The following DST variants were observed in gnomAD, a reference collection of about 807,000 sequenced individuals.
The protein encoded by DST is bullous pemphigoid antigen.
DST carries 253 observed loss-of-function variants against 875.2 expected under a neutral mutation model. The observed-to-expected ratio is 0.29, with a 90% CI of 0.26 to 0.32. The LOEUF (loss-of-function observed/expected upper bound fraction) is 0.32. Among genes scored for constraint, DST ranks in the 10% least tolerant of loss-of-function variants. DST has a pLI of 1.00. For missense variants in DST, 8,287 were observed against 9,111.6 expected (o/e 0.91, Z 3.68); for synonymous variants, 3,124 against 3,197.1 (o/e 0.98, Z 0.77).
At chr6:56,489,174 T>A in intron 86 of DST, among the ~76,000 whole-genome samples, 1 of 152,220 alleles carries the variant, frequency 6.6e-6, no homozygotes. Context: ...ACAGCTATCA[T>A]GAAAAACTGA....
At position 56,553,091 on chromosome 6, in the gene DST, C is replaced by T. The variant is rs778810585; in HGVS notation, c.15701G>A (p.Ser5234Asn). Reference protein sequence around the residue: ...LLNNTANSLLSVCEIDKEVVT... With the variant: ...LLNNTANSLLNVCEIDKEVVT... ...AACTTCTTTATCTATCTCACAGACA[C>T]TGAGCAAGCTATTGGCTGTGTTGTT... Residue 5234 changes from serine (S) to asparagine (N), a missense_variant, in exon 61 of 104, where the codon AGT becomes AAT. This residue lies in a region of DST where 1,513 missense variants were observed against 1,677.8 expected (regional missense o/e 0.90). Coordinates refer to ENST00000680361, the MANE Select transcript of DST (RefSeq NM_001374736.1). 3.1e-6 allele frequency: 5 copies of T among 1,613,888 alleles called. No homozygotes were observed. The African/African-American group carries it at 6.7e-5, about 22-fold the overall frequency.
chr6:56,722,364 G>A (rs2099421115), intron 5 of DST, among the ~76,000 whole-genome samples: 1 of 137,114 alleles, frequency 7.3e-6, no homozygotes, highest in South Asian at 2.2e-4. Flanking sequence ...AGTAGTACAT[G>A]TTTGTTTATT....
chr6:56,790,842 T>C (rs1309628317), intron 4 of DST, among the ~76,000 whole-genome samples: 3 of 152,170 alleles, frequency 2.0e-5, no homozygotes, highest in African/African-American at 7.2e-5. Flanking sequence ...CAAGAAAGCT[T>C]TCCGTTGTTT....
At chr6:56,808,138 C>G (rs1213686780) in intron 4 of DST, among the ~76,000 whole-genome samples, 1 of 152,084 alleles carries the variant, frequency 6.6e-6, no homozygotes, top group Non-Finnish European at 1.5e-5. Context: ...AAGAACCAGA[C>G]CCTGAGCTAT....
At chr6:56,683,962 A>T (rs1483398779) in intron 9 of DST, among the ~76,000 whole-genome samples, 2 of 152,240 alleles carry the variant, frequency 1.3e-5, no homozygotes, top group Admixed American at 1.3e-4. Context: ...ATGTCTTTTC[A>T]ATAAAAGAAA....
At chr6:56,796,034 A>AT (rs1481009032) in intron 4 of DST, among the ~76,000 whole-genome samples, 4 of 152,166 alleles carry the variant, frequency 2.6e-5, no homozygotes, top group Admixed American at 2.6e-4. Context: ...CTCACACAGA[A>AT]AGAGGCAAAC....
chr6:56,881,962 T>A (rs554367823), intron 3 of DST, among the ~76,000 whole-genome samples: 11 of 152,302 alleles, frequency 7.2e-5, no homozygotes, highest in African/African-American at 2.4e-4. Context: ...TTCAGACACC[T>A]CTCAGTTAAA....
chr6:56,574,630 A>G (rs1368457605), intron 50 of DST, among the ~76,000 whole-genome samples: 1 of 152,128 alleles, frequency 6.6e-6, no homozygotes, highest in Non-Finnish European at 1.5e-5. Flanking sequence ...CTTCAATTCT[A>G]AAGATTCAAG....
chr6:56,682,363 G>A (rs2099161096), intron 9 of DST, among the ~76,000 whole-genome samples: 2 of 152,048 alleles, frequency 1.3e-5, no homozygotes, highest in African/African-American at 4.8e-5. Flanking sequence ...CTTCACATAA[G>A]TAAGCTCAAA....
intron 36 of DST, chr6:56,619,199 T>G (rs2098661845): frequency 6.2e-7 from 1 of 1,613,974 alleles, no homozygotes; most frequent in African/African-American, 1.3e-5. Flanking sequence ...TTTCAGTGCT[T>G]CACATCTTTG....
intron 2 of DST, among the ~76,000 whole-genome samples, chr6:56,904,798 C>G (rs1002062584): frequency 6.6e-6 from 1 of 152,064 alleles, no homozygotes; most frequent in Non-Finnish European, 1.5e-5. Flanking sequence ...AAGAGTTACT[C>G]TTTTTCTTTT....
rs755862469 is a variant in DST at position 56,608,339 on chromosome 6, C to T, written c.6289G>A (p.Ala2097Thr). 1.9e-6 allele frequency: 3 copies of T among 1,612,524 alleles called. No homozygotes were observed. In the African/African-American group the frequency reaches 4.0e-5, roughly 22 times the overall value. Residue 2097 changes from alanine (A) to threonine (T), a missense_variant, in exon 40 of 104, where the codon GCC becomes ACC. Physicochemically the swap from Ala to Thr is moderately conservative, Grantham distance 58. Coordinates refer to ENST00000680361, the MANE Select transcript of DST (RefSeq NM_001374736.1). The stretch of plus-strand genomic sequence containing the variant: ...TGTCTGCCATTCAGGATTTTGTAGG[C>T]CAATTCATTTGTAATCAATTCTTGC... ...LQQELITNELAYKILNGRQKI... is the reference protein window; with the variant it reads ...LQQELITNELTYKILNGRQKI...
Position 56,508,587 on chromosome 6 carries a change from T to C in DST, c.19181A>G (p.Asp6394Gly). Residue 6394 changes from aspartate to glycine, a missense_variant, in exon 75 of 104, where the codon GAC (aspartate) becomes GGC (glycine). Around this residue, in one of 10 missense-constraint regions of DST, gnomAD observed 1,292 missense variants for 1,552.7 expected, o/e 0.83. Coordinates refer to ENST00000680361, the MANE Select transcript of DST (RefSeq NM_001374736.1). ...TIKDTQDFIR[D>G]LEDPGIDPSV... Reference sequence around the variant, plus strand: ...AGGATCAATTCCAGGATCTTCCAGGTCCCGGATGAAATCTTGAGTATCTTT... The same window carrying C: ...AGGATCAATTCCAGGATCTTCCAGGCCCCGGATGAAATCTTGAGTATCTTT... 6.2e-7 allele frequency: 1 copy of C among 1,613,880 alleles called. No homozygotes were observed. The highest frequency in any genetic ancestry group is 8.5e-7 in the Non-Finnish European group (1 of 1,179,810).
chr6:56,549,356 C>G (rs1284047447), intron 61 of DST, among the ~76,000 whole-genome samples: 2 of 152,148 alleles, frequency 1.3e-5, no homozygotes, highest in Admixed American at 1.3e-4. Context: ...TTCTGTTTCA[C>G]TTTTAGGAAT....
chr6:56,725,133 G>A (rs2099445647), intron 5 of DST, among the ~76,000 whole-genome samples: 1 of 152,168 alleles, frequency 6.6e-6, no homozygotes, highest in African/African-American at 2.4e-5. Context: ...AATAGTTGAG[G>A]AGAGACGTGA....
chr6:56,733,290 T>C (rs1466614623), intron 5 of DST, among the ~76,000 whole-genome samples: 1 of 152,160 alleles, frequency 6.6e-6, no homozygotes, highest in Non-Finnish European at 1.5e-5. Flanking sequence ...CCCCAAACTG[T>C]AGCTTTTTCT....
chr6:56,924,290 G>A (rs888232613), intron 2 of DST, among the ~76,000 whole-genome samples: 1 of 152,116 alleles, frequency 6.6e-6, no homozygotes, highest in African/African-American at 2.4e-5. Context: ...ACGCAGAGTT[G>A]GAACGATAAA....
chr6:56,823,107 A>G (rs1014885613), intron 4 of DST, among the ~76,000 whole-genome samples: 1 of 152,154 alleles, frequency 6.6e-6, no homozygotes, highest in Non-Finnish European at 1.5e-5. Flanking sequence ...TGCTGGGATT[A>G]CAGGTGGTGA....
At chr6:56,845,988 G>A (rs1168868114) in intron 4 of DST, among the ~76,000 whole-genome samples, 1 of 152,350 alleles carries the variant, frequency 6.6e-6, no homozygotes, top group Middle Eastern at 3.4e-3. Context: ...GGACTTTGGA[G>A]TAAAGACTGC....
Sources: gnomAD v4.1 joint callset for allele counts (sites outside exome capture counted in the v4.1 genomes callset) on GRCh38, gnomAD v4.1.1 for gene constraint, gnomAD v4.1.1 regional missense constraint, MANE v1.5 for transcripts, NCBI Gene and HGNC (gene_info 2026-07-23, HGNC 2026-07-21) for gene names.